Variants in PUDP observed in about 807,000 individuals in gnomAD.
PUDP encodes the protein pseudouridine-5'-phosphatase.
PUDP carries 8 observed loss-of-function variants against 9.4 expected under a neutral mutation model. That is an observed-to-expected ratio of 0.85 (90% CI 0.50 to 1.53). PUDP has a LOEUF of 1.53. PUDP is among the 40% of genes most tolerant of loss of function. The probability of loss-of-function intolerance (pLI) is 0.00; values close to 1 mark genes in which losing one functional copy is unlikely to be tolerated. For synonymous variants in PUDP, 99 were observed against 80.7 expected, an observed-to-expected ratio of 1.23 and a Z score of -1.22; for missense variants, 188 against 189.7, an observed-to-expected ratio of 0.99 and a Z score of 0.05.
At chrX:7,004,553 C>T (rs1929375768) in intron 1 of PUDP, among the ~76,000 whole-genome samples, 1 of 112,153 alleles carries the variant, frequency 8.9e-6, no homozygotes, top group Non-Finnish European at 1.9e-5. Flanking sequence ...CAATGTACCA[C>T]AACATAAAGA....
At chrX:6,882,318 C>T (rs1028969635) in intron 3 of PUDP, among the ~76,000 whole-genome samples, 2 of 111,719 alleles carry the variant, frequency 1.8e-5, no homozygotes, top group Non-Finnish European at 1.9e-5. Context: ...TTTCCACCAA[C>T]CTAATAGCTA....
chrX:7,019,209 C>G (rs1929595157), intron 1 of PUDP, among the ~76,000 whole-genome samples: 1 of 111,457 alleles, frequency 9.0e-6, no homozygotes, highest in Non-Finnish European at 1.9e-5. Context: ...TGTGGACTTA[C>G]CCTGAATTTT....
At position 7,018,154 on chromosome X, in the gene PUDP, C is replaced by A. The variant is rs189049561; in HGVS notation, c.205-39811G>T. 5.4e-5 allele frequency among the ~76,000 whole-genome samples: 6 copies of A among 111,880 alleles called. No homozygotes were observed. The East Asian group carries it at 1.1e-3, about 21-fold the overall frequency. ...TAACCATAAAATGGGCAAGCAGCAG[C>A]CCTTGGGGCTGCTCTGTCTATGGAG... On this transcript the variant is annotated intron_variant and NMD_transcript_variant, in intron 1 of 3. Transcript: ENST00000655425.
chrX:6,757,952 C>T (rs1925187884), intron 3 of PUDP, among the ~76,000 whole-genome samples: 3 of 112,092 alleles, frequency 2.7e-5, no homozygotes, highest in South Asian at 3.7e-4. Flanking sequence ...GTCTTAGTGA[C>T]ACGAGATGCT....
At chrX:6,794,011 G>A (rs1026955252) in intron 3 of PUDP, among the ~76,000 whole-genome samples, 1 of 111,611 alleles carries the variant, frequency 9.0e-6, no homozygotes, top group African/African-American at 3.3e-5. Context: ...GGCTATCAAT[G>A]GAAAAGACTA....
At chrX:6,956,799 G>A (rs901164042) in intron 3 of PUDP, among the ~76,000 whole-genome samples, 1 of 111,719 alleles carries the variant, frequency 9.0e-6, no homozygotes, top group African/African-American at 3.3e-5. Context: ...GCAACCAAAA[G>A]CCACCATAGA....
chrX:6,933,529 T>TG (rs1928240721), intron 3 of PUDP, among the ~76,000 whole-genome samples: 1 of 109,024 alleles, frequency 9.2e-6, no homozygotes, highest in African/African-American at 3.3e-5. Flanking sequence ...ACCACAAAGA[T>TG]GGGGAAAAAA....
chrX:6,814,404 C>T (rs532049819), intron 3 of PUDP, among the ~76,000 whole-genome samples: 2 of 110,973 alleles, frequency 1.8e-5, no homozygotes, highest in Admixed American at 9.6e-5. Context: ...CAAATCGCCA[C>T]GAATGCCACC....
chrX:6,981,473 A>AT (rs1398740887), intron 1 of PUDP, among the ~76,000 whole-genome samples: 12 of 111,635 alleles, frequency 1.1e-4, no homozygotes, highest in Non-Finnish European at 1.9e-5. Flanking sequence ...CCGATATAGC[A>AT]TTTTTAGTGC....
intron 3 of PUDP, among the ~76,000 whole-genome samples, chrX:6,748,826 T>A (rs749864828): frequency 8.9e-6 from 1 of 112,224 alleles, no homozygotes; most frequent in South Asian, 3.7e-4. Flanking sequence ...TTGTGAATGT[T>A]TGCCCAGCAA....
chrX:6,941,385 G>T, intron 3 of PUDP, among the ~76,000 whole-genome samples: 1 of 85,225 alleles, frequency 1.2e-5, no homozygotes, highest in South Asian at 6.3e-4. Context: ...CTGTCACCCA[G>T]GCTGGAGTGC....
At chrX:7,109,791 A>G (rs1931987417) in intron 1 of PUDP, among the ~76,000 whole-genome samples, 1 of 112,940 alleles carries the variant, frequency 8.9e-6, no homozygotes, top group Non-Finnish European at 1.9e-5. Flanking sequence ...AAAGGAGCAT[A>G]AAACACTTGC....
chrX:7,118,515 C>A (rs1397329889), intron 1 of PUDP, among the ~76,000 whole-genome samples: 1 of 111,938 alleles, frequency 8.9e-6, no homozygotes, highest in Non-Finnish European at 1.9e-5. Flanking sequence ...GTACTGCACC[C>A]GTATGACTGG....
chrX:6,840,600 A>T (rs757791016), intron 3 of PUDP, among the ~76,000 whole-genome samples: 4 of 111,807 alleles, frequency 3.6e-5, no homozygotes, highest in Non-Finnish European at 7.5e-5. Context: ...TAGTGGGGAG[A>T]AAAGGATGCA....
intron 3 of PUDP, among the ~76,000 whole-genome samples, chrX:6,829,655 C>T (rs908425645): frequency 1.8e-5 from 2 of 111,847 alleles, no homozygotes; most frequent in Non-Finnish European, 3.8e-5. Context: ...TTTTCATAGG[C>T]TTATTTGCCA....
chrX:6,878,238 A>C (rs1178886682), intron 3 of PUDP, among the ~76,000 whole-genome samples: 1 of 110,396 alleles, frequency 9.1e-6, no homozygotes, highest in Non-Finnish European at 1.9e-5. Flanking sequence ...TTGTTGTGTA[A>C]GTAGTAGAAT....
At chrX:7,056,854 C>T (rs778635867) in intron 3 of PUDP, among the ~76,000 whole-genome samples, 61 of 112,204 alleles carry the variant, frequency 5.4e-4, no homozygotes, top group Middle Eastern at 4.6e-3. Flanking sequence ...TGCAGTCAGG[C>T]GGAAGACAGA....
chrX:7,138,051 C>T (rs1236761255), intron 1 of PUDP, among the ~76,000 whole-genome samples: 8 of 111,827 alleles, frequency 7.2e-5, no homozygotes, highest in African/African-American at 1.3e-4. Context: ...AAAAAGGTGA[C>T]GAAGGGGCAC....
At chrX:6,956,135 C>T (rs1168423053) in intron 3 of PUDP, among the ~76,000 whole-genome samples, 1 of 112,287 alleles carries the variant, frequency 8.9e-6, no homozygotes, top group Non-Finnish European at 1.9e-5. Flanking sequence ...CTGCAACCTC[C>T]ACCTCCCAGG....
Sources: gnomAD v4.1 joint callset for allele counts (sites outside exome capture counted in the v4.1 genomes callset) on GRCh38, gnomAD v4.1.1 for gene constraint, MANE v1.5 for transcripts, NCBI Gene and HGNC (gene_info 2026-07-23, HGNC 2026-07-21) for gene names.